The following WDR26 variants were observed in gnomAD, a reference collection of about 807,000 sequenced individuals.
The protein encoded by WDR26 is WD repeat-containing protein 26.
In WDR26, 5 loss-of-function variants were observed where a neutral mutation model predicts 84.1. The ratio of observed to expected loss-of-function variants is 0.06; its 90% confidence interval spans 0.03 to 0.13. The LOEUF (loss-of-function observed/expected upper bound fraction) is 0.13. Among genes scored for constraint, WDR26 ranks in the 10% least tolerant of loss-of-function variants. WDR26 has a pLI of 1.00. For synonymous variants in WDR26, 415 were observed against 389.6 expected, an observed-to-expected ratio of 1.07 and a Z score of -0.77; for missense variants, 642 against 974.9, an observed-to-expected ratio of 0.66 and a Z score of 4.55.
intron 7 of WDR26, among the ~76,000 whole-genome samples, chr1:224,407,207 T>C (rs1673605998): frequency 8.7e-6 from 1 of 115,050 alleles, no homozygotes; most frequent in Non-Finnish European, 1.7e-5. Flanking sequence ...ATGAAAAAAA[T>C]ATAATCCTAT....
At chr1:224,428,269 G>T (rs1334414077) in intron 3 of WDR26, among the ~76,000 whole-genome samples, 3 of 152,090 alleles carry the variant, frequency 2.0e-5, no homozygotes, top group Non-Finnish European at 4.4e-5. Flanking sequence ...CAGAAATTAC[G>T]ATACTTAGAA....
At chr1:224,432,616 A>T (rs1303087097) in intron 1 of WDR26, among the ~76,000 whole-genome samples, 1 of 152,202 alleles carries the variant, frequency 6.6e-6, no homozygotes, top group African/African-American at 2.4e-5. Flanking sequence ...AAACAGTGCA[A>T]TGATCTGCCT....
chr1:224,413,335 T>C (rs1191997984), intron 6 of WDR26: 7 of 1,243,676 alleles, frequency 5.6e-6, no homozygotes, highest in South Asian at 1.3e-5. Flanking sequence ...AATTCACCAG[T>C]CTGAAACAAA....
At chr1:224,404,653 G>T (rs1673504085) in intron 7 of WDR26, 83 bp from the exon 8 acceptor site, 2 of 1,468,306 alleles carry the variant, frequency 1.4e-6, no homozygotes, top group East Asian at 4.6e-5. Flanking sequence ...TAGCTACAAA[G>T]ATGTACTTTG....
rs1674525029 is a variant in WDR26 at position 224,434,187 on chromosome 1, T to C, written c.219A>G (p.Gly73=). The change falls in exon 1 of 14, where the codon GGA becomes GGG. Residue 73 remains glycine, a synonymous_variant. Coordinates refer to ENST00000414423, the MANE Select transcript of WDR26 (RefSeq NM_001379403.1). ...CGGGAGGGGCAGCAGCCGGGGGAAG[T>C]CCCACCACTACCACCACGGAGGAGG... 1 of 1,412,162 alleles carries C rather than the reference T, an allele frequency of 7.1e-7. No individual in the cohort carries two copies. The highest frequency in any genetic ancestry group is 1.6e-5 in the South Asian group (1 of 63,418). The allele number at this position is 1,412,162 out of a possible 1,614,324, so 87.5% of individuals were successfully genotyped here. A position where few individuals can be genotyped will look rare whatever the true frequency, so the allele number is the denominator to read the frequency against.
At chr1:224,431,602 G>GA in intron 2 of WDR26, 21 bp from the exon 3 acceptor site, 1 of 1,611,556 alleles carries the variant, frequency 6.2e-7, no homozygotes, top group Non-Finnish European at 8.5e-7. Flanking sequence ...TGGTATAAAA[G>GA]AAAAACAGAA....
rs5781365 is a variant in WDR26, at chr1:224,400,290, GT to G, written c.1719+659del. 2.2e-4 allele frequency among the ~76,000 whole-genome samples: 32 copies of G among 146,622 alleles called. No homozygotes were observed. In the Middle Eastern group the frequency reaches 0.011, roughly 49 times the overall value. ...AGGGAGTCTACTCATAAAATTCAGT[GT>G]TTTTTTTTTTTGGTTACAAAAATCT... is the stretch of plus-strand genomic sequence containing the variant. On this transcript the variant is annotated intron_variant, in intron 9 of 13. Coordinates refer to ENST00000414423, the MANE Select transcript of WDR26 (RefSeq NM_001379403.1).
chr1:224,393,754 C>T (rs1673186241), intron 13 of WDR26, 74 bp downstream of exon 13: 4 of 1,282,646 alleles, frequency 3.1e-6, no homozygotes, highest in Middle Eastern at 2.7e-4. Flanking sequence ...TTGCTTAAAA[C>T]TGCTTTAAGT....
chr1:224,401,683 A>G (rs1431434485), intron 8 of WDR26, among the ~76,000 whole-genome samples: 1 of 115,772 alleles, frequency 8.6e-6, no homozygotes, highest in African/African-American at 3.5e-5. Flanking sequence ...AAAAAAAAAA[A>G]AAAAAAGAAA....
chr1:224,415,310 AC>A (rs1012665841), intron 6 of WDR26, among the ~76,000 whole-genome samples: 1 of 152,160 alleles, frequency 6.6e-6, no homozygotes, highest in Admixed American at 6.5e-5. Context: ...TGTTTAATGT[AC>A]TTGAGAACCC....
chr1:224,391,378 A>AAC (rs1234860874), intron 13 of WDR26, among the ~76,000 whole-genome samples: 4 of 106,630 alleles, frequency 3.8e-5, no homozygotes, highest in African/African-American at 1.9e-4. Context: ...AAAAAAAAAA[A>AAC]AAAAACAAAA....
intron 6 of WDR26, chr1:224,413,456 G>C (rs1362718176): frequency 3.1e-6 from 1 of 323,268 alleles, no homozygotes; most frequent in Non-Finnish European, 5.7e-6. Flanking sequence ...AAATTAAATT[G>C]CTTTAATATT....
At chr1:224,407,207 TATA>T (rs1444775288) in intron 7 of WDR26, among the ~76,000 whole-genome samples, 2 of 115,050 alleles carry the variant, frequency 1.7e-5, no homozygotes, top group African/African-American at 3.4e-5. Flanking sequence ...ATGAAAAAAA[TATA>T]ATCCTATAAA....
intron 1 of WDR26, 85 bp downstream of exon 1, chr1:224,433,599 C>CGG: frequency 4.0e-6 from 3 of 745,938 alleles, no homozygotes; most frequent in Non-Finnish European, 6.1e-6. Context: ...TCAAGCCCCC[C>CGG]TCCCCCCTCC....
Position 224,431,494 on chromosome 1 carries a change from A to G in WDR26, c.910T>C (p.Leu304=). Residue 304 remains leucine, a synonymous_variant, in exon 3 of 14, where the codon TTG becomes CTG. Coordinates refer to ENST00000414423, the MANE Select transcript of WDR26 (RefSeq NM_001379403.1). ...GTATTTACCACAATTATTCCCAACA[A>G]CGTTTGAGAGATTTCAAGTGCGCCT... is the stretch of plus-strand genomic sequence containing the variant. 6.2e-7 allele frequency: 1 copy of G among 1,613,952 alleles called. No homozygotes were observed. Among genetic ancestry groups the G allele is most frequent in the South Asian group, 1.1e-5 (1 of 91,054 alleles).
At chr1:224,403,155 CG>C (rs1325606259) in intron 8 of WDR26, among the ~76,000 whole-genome samples, 1 of 151,886 alleles carries the variant, frequency 6.6e-6, no homozygotes, top group East Asian at 1.9e-4. Flanking sequence ...TGGGTTCAAG[CG>C]ATTCTCCTGC....
At position 224,415,436 on chromosome 1, in the gene WDR26, G is replaced by A. The variant is rs957087815; in HGVS notation, c.1319+2824C>T. The stretch of plus-strand genomic sequence containing the variant: ...TAAGGATGAGGGAAGAAACAATTCT[G>A]GAACACGTATTTCTTTCTTTTTTTT... On this transcript the variant is annotated intron_variant, in intron 6 of 13. Coordinates refer to ENST00000414423, the MANE Select transcript of WDR26 (RefSeq NM_001379403.1). Among the ~76,000 whole-genome samples the A allele has an allele frequency of 3.4e-5, 5 of 147,786 alleles. No homozygotes were observed. In the East Asian group the frequency reaches 5.9e-4, roughly 17 times the overall value.
rs544688147 is a variant in WDR26, at chr1:224,413,277, T to C, written c.1320-1712A>G. 1.1e-4 allele frequency: 134 copies of C among 1,228,536 alleles called. 1 individual carries two copies. In the Middle Eastern group the frequency reaches 1.6e-3, roughly 15 times the overall value. 76.1% of individuals were successfully genotyped at this position (1,228,536 alleles called of 1,614,324 possible). A position where few individuals can be genotyped will look rare whatever the true frequency, so the allele number is the denominator to read the frequency against. On this transcript the variant is annotated intron_variant, in intron 6 of 13. Transcript: ENST00000414423. ...CCTTTAAGTGTATCTTGAAACACGG[T>C]CTTCCTTGCTTCTTTTCCCAATCAA...
Position 224,433,868 on chromosome 1 carries a change from C to A in WDR26, c.538G>T (p.Val180Phe), listed in dbSNP as rs1172621570. The change falls in exon 1 of 14, where the codon GTT becomes TTT. Residue 180 changes from valine to phenylalanine, a missense_variant. By Grantham distance (50) the Val-to-Phe change is conservative (BLOSUM62 -1). This residue lies in a region of WDR26 where 291 missense variants were observed against 302.1 expected (regional missense o/e 0.96). Coordinates refer to ENST00000414423, the MANE Select transcript of WDR26 (RefSeq NM_001379403.1). ...GATGCGGCGGCCGCCCCGCCGGGAA[C>A]CCCGTTATTGACATTCAGGCTGTTG... is the stretch of plus-strand genomic sequence containing the variant. 2.6e-6 allele frequency: 4 copies of A among 1,536,816 alleles called. No individual in the cohort carries two copies. The African/African-American group carries it at 4.1e-5, about 16-fold the overall frequency.
Sources: gnomAD v4.1 joint callset for allele counts (sites outside exome capture counted in the v4.1 genomes callset) on GRCh38, gnomAD v4.1.1 for gene constraint, gnomAD v4.1.1 regional missense constraint, MANE v1.5 for transcripts, NCBI Gene and HGNC (gene_info 2026-07-23, HGNC 2026-07-21) for gene names.